RBFOX1: variants seen among roughly 807,000 people sequenced by gnomAD.
RBFOX1 encodes RNA binding protein fox-1 homolog 1.
Under a neutral mutation model 57.7 loss-of-function variants are expected in RBFOX1, and 8 were observed. That is an observed-to-expected ratio of 0.14 (90% confidence interval 0.08 to 0.25). The LOEUF is 0.25. Among genes scored for constraint, RBFOX1 ranks in the 10% least tolerant of loss-of-function variants. RBFOX1 has a pLI of 1.00. For synonymous variants in RBFOX1, 326 were observed against 222.4 expected, an observed-to-expected ratio of 1.47 and a Z score of -4.15; for missense variants, 611 against 548.5, an observed-to-expected ratio of 1.11 and a Z score of -1.14.
intron 4 of RBFOX1, among the ~76,000 whole-genome samples, chr16:7,142,420 C>G (rs1289902801): frequency 6.6e-6 from 1 of 152,132 alleles, no homozygotes; most frequent in East Asian, 1.9e-4. Flanking sequence ...TTTCGTGTCA[C>G]TCTTCCATCA....
intron 4 of RBFOX1, among the ~76,000 whole-genome samples, chr16:7,257,204 C>G (rs865955868): frequency 6.6e-6 from 1 of 152,146 alleles, no homozygotes; most frequent in Non-Finnish European, 1.5e-5. Flanking sequence ...TAATCGCTAA[C>G]ATCTTCCCAT....
At chr16:7,640,142 C>A (rs1170503815) in intron 11 of RBFOX1, among the ~76,000 whole-genome samples, 1 of 152,218 alleles carries the variant, frequency 6.6e-6, no homozygotes. Context: ...TTAATCCCTG[C>A]AACCACTACC....
chr16:5,657,852 C>T (rs1023167706), intron 3 of RBFOX1, among the ~76,000 whole-genome samples: 3 of 150,376 alleles, frequency 2.0e-5, no homozygotes, highest in Admixed American at 6.7e-5. Context: ...TTGCTTCAGA[C>T]CCCCAGGTAG....
chr16:5,968,474 G>A (rs1335164163), intron 4 of RBFOX1, among the ~76,000 whole-genome samples: 1 of 152,160 alleles, frequency 6.6e-6, no homozygotes, highest in Non-Finnish European at 1.5e-5. Context: ...GGTGACTTGT[G>A]TTGGATGTAG....
At chr16:7,695,338 C>T (rs181737232) in intron 14 of RBFOX1, among the ~76,000 whole-genome samples, 171 of 152,242 alleles carry the variant, frequency 1.1e-3, no homozygotes, top group Middle Eastern at 0.01. Flanking sequence ...GCTCAGTCAA[C>T]AAAGGTTGTA....
At chr16:5,944,790 T>TATAAAAAAAAAAAA (rs2059360598) in intron 4 of RBFOX1, among the ~76,000 whole-genome samples, 1 of 41,258 alleles carries the variant, frequency 2.4e-5, no homozygotes, top group African/African-American at 1.0e-4. Context: ...CTGTCTCTGC[T>TATAAAAAAAAAAAA]AAAAAAAAAA....
intron 3 of RBFOX1, among the ~76,000 whole-genome samples, chr16:6,690,142 C>G (rs1014045917): frequency 6.6e-6 from 1 of 151,986 alleles, no homozygotes; most frequent in Non-Finnish European, 1.5e-5. Flanking sequence ...AGATTTCAGC[C>G]TCTAGCTTAT....
chr16:6,863,837 G>C (rs1425004707), intron 3 of RBFOX1, among the ~76,000 whole-genome samples: 1 of 147,742 alleles, frequency 6.8e-6, no homozygotes, highest in African/African-American at 2.5e-5. Flanking sequence ...GCCAAATCAG[G>C]TAACCAGAAA....
chr16:5,419,625 C>T (rs2067254902), intron 1 of RBFOX1, among the ~76,000 whole-genome samples: 1 of 151,976 alleles, frequency 6.6e-6, no homozygotes, highest in South Asian at 2.1e-4. Flanking sequence ...TCTCTGAGAT[C>T]CCATGTCCCA....
chr16:6,857,657 A>T (rs553569116), intron 3 of RBFOX1, among the ~76,000 whole-genome samples: 2 of 152,312 alleles, frequency 1.3e-5, no homozygotes, highest in South Asian at 4.1e-4. Flanking sequence ...CTAAGGCTAC[A>T]TGGAAACTTA....
rs148950925 is a variant in RBFOX1, at chr16:7,116,105, A to G, written c.27+64007A>G. Among the ~76,000 whole-genome samples the G allele has an allele frequency of 2.6e-5, 4 of 152,274 alleles. No individual in the cohort carries two copies. The East Asian group carries it at 7.7e-4, about 29-fold the overall frequency. ...CCGATCAGTACCCATTTTACAGATAAGGAAACTGAGGCACAGACAACAATG... is the reference window on the plus strand; with the variant it reads ...CCGATCAGTACCCATTTTACAGATAGGGAAACTGAGGCACAGACAACAATG... On this transcript the variant is annotated intron_variant, in intron 4 of 15. Coordinates refer to ENST00000550418, the MANE Select transcript of RBFOX1 (RefSeq NM_018723.4).
intron 2 of RBFOX1, among the ~76,000 whole-genome samples, chr16:6,500,886 T>TG (rs796977292): frequency 0.017 from 2,485 of 145,524 alleles, 59 homozygotes; most frequent in East Asian, 0.097. Flanking sequence ...GTTTTTTTTT[T>TG]TTTTTTTTTT....
At chr16:6,551,483 C>T (rs1022576758) in intron 2 of RBFOX1, among the ~76,000 whole-genome samples, 1 of 152,206 alleles carries the variant, frequency 6.6e-6, no homozygotes, top group African/African-American at 2.4e-5. Flanking sequence ...AACCATTTAG[C>T]AAATGACAGC....
At chr16:7,497,934 A>G (rs1444486255) in intron 4 of RBFOX1, among the ~76,000 whole-genome samples, 3 of 152,228 alleles carry the variant, frequency 2.0e-5, no homozygotes, top group African/African-American at 7.2e-5. Context: ...GCTGCCCAGT[A>G]TAAATATTAG....
chr16:7,304,191 G>T (rs1388001138), intron 4 of RBFOX1: 1 of 971,042 alleles, frequency 1.0e-6, no homozygotes, highest in Non-Finnish European at 1.2e-6. Flanking sequence ...GAGGAAAGAG[G>T]GGGAGAGAGA....
At chr16:6,764,120 T>A (rs2154200983) in intron 3 of RBFOX1, among the ~76,000 whole-genome samples, 1 of 152,320 alleles carries the variant, frequency 6.6e-6, no homozygotes, top group African/African-American at 2.4e-5. Flanking sequence ...CCTCCCAGTC[T>A]TTGCGTATGG....
At chr16:7,586,424 C>T (rs1038260881) in intron 6 of RBFOX1, among the ~76,000 whole-genome samples, 2 of 152,118 alleles carry the variant, frequency 1.3e-5, no homozygotes, top group African/African-American at 4.8e-5. Context: ...ACTGGGACTT[C>T]CAGATTTCAC....
chr16:7,235,861 A>G (rs537202549), intron 4 of RBFOX1, among the ~76,000 whole-genome samples: 5 of 152,332 alleles, frequency 3.3e-5, no homozygotes, highest in African/African-American at 7.2e-5. Context: ...CTATTAATCA[A>G]TGAAGCAGTG....
intron 4 of RBFOX1, among the ~76,000 whole-genome samples, chr16:5,972,730 C>A (rs568675536): frequency 6.6e-6 from 1 of 152,128 alleles, no homozygotes; most frequent in Admixed American, 6.5e-5. Context: ...CTGGCAGTCT[C>A]CCCTGGGAGC....
Sources: allele counts gnomAD v4.1 joint callset (sites outside exome capture counted in the v4.1 genomes callset), GRCh38; gene constraint gnomAD v4.1.1; transcripts MANE v1.5; gene names NCBI Gene and HGNC (gene_info 2026-07-23, HGNC 2026-07-21).